GRM5: variants seen among roughly 807,000 people sequenced by gnomAD.
GRM5 encodes the protein metabotropic glutamate receptor 5.
GRM5 carries 19 observed loss-of-function variants against 83.1 expected under a neutral mutation model. That is an observed-to-expected ratio of 0.23 (90% confidence interval 0.16 to 0.34). GRM5 has a LOEUF of 0.34. Ranked by LOEUF, GRM5 falls within the 10% of genes least tolerant of loss-of-function variation. GRM5 has a pLI of 1.00. For missense variants in GRM5, 1,160 were observed against 1,588.3 expected, an observed-to-expected ratio of 0.73 and a Z score of 4.58; for synonymous variants, 675 against 633.6, an observed-to-expected ratio of 1.07 and a Z score of -0.98.
intron 2 of GRM5, among the ~76,000 whole-genome samples, chr11:88,867,897 C>T (rs1258337768): frequency 6.6e-6 from 1 of 151,882 alleles, no homozygotes; most frequent in African/African-American, 2.4e-5. Context: ...CTCAAGCTAA[C>T]TAATATAGTC....
chr11:88,639,540 C>G (rs17770573), intron 4 of GRM5, among the ~76,000 whole-genome samples: 1 of 151,782 alleles, frequency 6.6e-6, no homozygotes, highest in Non-Finnish European at 1.5e-5. Flanking sequence ...AAAGAAGCAG[C>G]CATTTTCCCA....
intron 6 of GRM5, among the ~76,000 whole-genome samples, chr11:88,591,405 G>A (rs1565351511): frequency 6.6e-6 from 1 of 152,056 alleles, no homozygotes; most frequent in Non-Finnish European, 1.5e-5. Context: ...CTTTTTTAAG[G>A]TAATGGAAAA....
chr11:88,518,274 A>C (rs1665014273), intron 9 of GRM5, among the ~76,000 whole-genome samples: 1 of 152,052 alleles, frequency 6.6e-6, no homozygotes, highest in African/African-American at 2.4e-5. Context: ...GTATTTAATA[A>C]AGCTAGTAAA....
intron 2 of GRM5, among the ~76,000 whole-genome samples, chr11:88,866,809 A>G (rs1362349152): frequency 2.6e-5 from 4 of 152,110 alleles, no homozygotes; most frequent in Non-Finnish European, 4.4e-5. Flanking sequence ...GGTATTGCCT[A>G]GGTTTTCGTC....
chr11:88,976,980 G>C (rs1939361832), intron 2 of GRM5, among the ~76,000 whole-genome samples: 1 of 151,710 alleles, frequency 6.6e-6, no homozygotes, highest in Admixed American at 6.6e-5. Flanking sequence ...TCAATATTGA[G>C]GGAGAAACTC....
intron 3 of GRM5, among the ~76,000 whole-genome samples, chr11:88,823,974 G>T (rs982392597): frequency 3.3e-5 from 5 of 152,082 alleles, no homozygotes; most frequent in African/African-American, 1.2e-4. Flanking sequence ...TCTTCCAGAA[G>T]TAACTGCTAT....
chr11:88,874,656 C>T (rs553266067), intron 2 of GRM5, among the ~76,000 whole-genome samples: 1 of 151,908 alleles, frequency 6.6e-6, no homozygotes, highest in African/African-American at 2.4e-5. Flanking sequence ...AAGAGACAAC[C>T]TGCAGAATGG....
At chr11:88,997,408 G>C (rs987784098) in intron 2 of GRM5, among the ~76,000 whole-genome samples, 2 of 143,562 alleles carry the variant, frequency 1.4e-5, no homozygotes, top group African/African-American at 5.1e-5. Context: ...TCAAAAGAAA[G>C]AGCAAAATAA....
intron 8 of GRM5, among the ~76,000 whole-genome samples, chr11:88,544,466 G>A (rs570556806): frequency 1.3e-5 from 2 of 152,208 alleles, no homozygotes; most frequent in South Asian, 4.1e-4. Context: ...TTCATTCTCC[G>A]TAAATGTGTG....
In GRM5 at chr11:88,567,721, G is replaced by C; in HGVS notation, c.1962C>G (p.Ser654=). The part of the protein sequence containing the change: ...CYLQRIGIGL[S]PAMSYSALVT... ...CAAGGGCTGAGTAGCTCATGGCTGG[G>C]GAGAGACCAATGCCAATTCTCTGAA... Residue 654 remains serine, a synonymous_variant, in exon 8 of 10, where the codon TCC becomes TCG. Transcript: ENST00000305447. The surrounding 1 kb of genome is among the most constrained non-coding windows in gnomAD (Gnocchi z 7.3). The C allele has an allele frequency of 6.2e-7, 1 of 1,614,058 alleles. No homozygotes were observed.
chr11:88,989,040 G>T (rs958781957), intron 2 of GRM5, among the ~76,000 whole-genome samples: 15 of 151,496 alleles, frequency 9.9e-5, no homozygotes, highest in African/African-American at 2.7e-4. Flanking sequence ...TGGACTAAAT[G>T]CTCCAATTAA....
At chr11:89,002,083 A>G (rs556090858) in intron 2 of GRM5, among the ~76,000 whole-genome samples, 3 of 152,286 alleles carry the variant, frequency 2.0e-5, no homozygotes, top group African/African-American at 7.2e-5. Context: ...CATAAAGTGA[A>G]TGCCTGGAGC....
intron 2 of GRM5, among the ~76,000 whole-genome samples, chr11:89,023,228 G>A (rs1206887112): frequency 6.6e-6 from 1 of 151,922 alleles, no homozygotes; most frequent in Non-Finnish European, 1.5e-5. Flanking sequence ...TAATGATGAA[G>A]AATCTTTCAT....
At chr11:88,908,933 T>A (rs559844262) in intron 2 of GRM5, among the ~76,000 whole-genome samples, 5 of 152,128 alleles carry the variant, frequency 3.3e-5, no homozygotes, top group Non-Finnish European at 7.4e-5. Context: ...GCATTCTTAG[T>A]TGCCTTATAT....
chr11:88,945,151 C>A (rs1392344828), intron 2 of GRM5, among the ~76,000 whole-genome samples: 1 of 151,436 alleles, frequency 6.6e-6, no homozygotes, highest in African/African-American at 2.4e-5. Context: ...CACACACATA[C>A]ACACAAAATG....
At chr11:88,958,569 T>C (rs1050824414) in intron 2 of GRM5, among the ~76,000 whole-genome samples, 3 of 152,142 alleles carry the variant, frequency 2.0e-5, no homozygotes, top group Admixed American at 2.0e-4. Flanking sequence ...ACATCTTTCA[T>C]TTAGCATAAA....
chr11:89,059,565 G>T (rs1941945568), intron 1 of GRM5, among the ~76,000 whole-genome samples: 1 of 151,964 alleles, frequency 6.6e-6, no homozygotes, highest in African/African-American at 2.4e-5. Flanking sequence ...TTTGTACTGT[G>T]GGACATTGGA....
At chr11:88,813,121 T>C (rs1039805363) in intron 3 of GRM5, among the ~76,000 whole-genome samples, 1 of 152,198 alleles carries the variant, frequency 6.6e-6, no homozygotes, top group African/African-American at 2.4e-5. Context: ...TGCTTTAGTA[T>C]TCTAATGTCC....
In GRM5 at chr11:88,605,022, C is replaced by T. The variant is rs555134861; in HGVS notation, c.1148-58G>A. 16 of 1,420,620 alleles carry T rather than the reference C, an allele frequency of 1.1e-5. No homozygotes were observed. In the East Asian group the frequency reaches 3.6e-4, roughly 32 times the overall value. 88.0% of individuals were successfully genotyped at this position (1,420,620 alleles called of 1,614,324 possible). ...GTACAAATCTACTCTCGCGACATTC[C>T]TGGGTACTGAATAATGGGTTACCTG... On this transcript the variant is annotated intron_variant, in intron 4 of 9. Transcript: ENST00000305447.
Sources: gnomAD v4.1 joint callset for allele counts (sites outside exome capture counted in the v4.1 genomes callset) on GRCh38, gnomAD v4.1.1 for gene constraint, Gnocchi (gnomAD v3.1) non-coding constraint, MANE v1.5 for transcripts, NCBI Gene and HGNC (gene_info 2026-07-23, HGNC 2026-07-21) for gene names.